The following KCNIP4 variants were observed in gnomAD, a reference collection of about 807,000 sequenced individuals.
KCNIP4 encodes the protein potassium voltage-gated channel interacting protein 4, also known as Kv channel-interacting protein 4.
A neutral mutation model predicts 34.0 loss-of-function variants in KCNIP4; 12 were observed. The observed-to-expected ratio is 0.35, with a 90% CI of 0.23 to 0.57. KCNIP4 has a LOEUF of 0.57. Among genes scored for constraint, KCNIP4 ranks in the 20% least tolerant of loss-of-function variants. KCNIP4 has a pLI of 0.83. For synonymous variants in KCNIP4, 124 were observed against 102.2 expected, an observed-to-expected ratio of 1.21 and a Z score of -1.29; for missense variants, 238 against 311.7, an observed-to-expected ratio of 0.76 and a Z score of 1.78.
chr4:20,985,613 A>C (rs967359844), intron 1 of KCNIP4, among the ~76,000 whole-genome samples: 3 of 152,206 alleles, frequency 2.0e-5, no homozygotes, highest in East Asian at 3.9e-4. Flanking sequence ...TAAATGGTAC[A>C]TGAATGATCA....
chr4:21,808,093 T>C (rs1262483299), intron 1 of KCNIP4, among the ~76,000 whole-genome samples: 3 of 152,344 alleles, frequency 2.0e-5, no homozygotes, highest in Admixed American at 1.3e-4. Flanking sequence ...TTTTGACATA[T>C]GTATATCATA....
chr4:20,989,985 CA>C (rs1354873495), intron 1 of KCNIP4, among the ~76,000 whole-genome samples: 9 of 152,084 alleles, frequency 5.9e-5, no homozygotes, highest in Non-Finnish European at 1.2e-4. Context: ...AAACAAAAGA[CA>C]GCATTCACGA....
At chr4:21,698,227 T>C (rs889536078) in intron 1 of KCNIP4, among the ~76,000 whole-genome samples, 8 of 152,170 alleles carry the variant, frequency 5.3e-5, no homozygotes, top group Admixed American at 5.2e-4. Context: ...CTGGCTACAT[T>C]TTCTGCACAG....
At chr4:20,846,900 A>C (rs987692917) in intron 3 of KCNIP4, among the ~76,000 whole-genome samples, 5 of 152,340 alleles carry the variant, frequency 3.3e-5, no homozygotes, top group African/African-American at 1.2e-4. Context: ...GAGCAATTAC[A>C]TCAGAATCAC....
intron 1 of KCNIP4, among the ~76,000 whole-genome samples, chr4:21,801,919 T>C (rs1251098927): frequency 6.6e-6 from 1 of 151,006 alleles, no homozygotes; most frequent in Non-Finnish European, 1.5e-5. Context: ...AAAAAAATAG[T>C]AGGAAAGGGA....
At chr4:21,123,371 G>A (rs954360601) in intron 1 of KCNIP4, among the ~76,000 whole-genome samples, 7 of 152,132 alleles carry the variant, frequency 4.6e-5, no homozygotes, top group African/African-American at 1.7e-4. Context: ...CACAGAGCTT[G>A]TGATTTCAAA....
At chr4:21,044,466 C>A (rs150353090) in intron 1 of KCNIP4, among the ~76,000 whole-genome samples, 55 of 152,242 alleles carry the variant, frequency 3.6e-4, no homozygotes, top group African/African-American at 1.3e-3. Flanking sequence ...CACCTGCCAC[C>A]ATGCCCGGCT....
intron 3 of KCNIP4, among the ~76,000 whole-genome samples, chr4:20,848,828 A>T (rs1305643457): frequency 6.6e-6 from 1 of 152,220 alleles, no homozygotes; most frequent in Non-Finnish European, 1.5e-5. Context: ...TCTGCTTATT[A>T]CTAGATCTCT....
At chr4:21,414,020 G>C (rs898334315) in intron 1 of KCNIP4, among the ~76,000 whole-genome samples, 3 of 152,090 alleles carry the variant, frequency 2.0e-5, no homozygotes, top group Non-Finnish European at 4.4e-5. Context: ...ACCTGTGTCA[G>C]TCAGTAGTGT....
At chr4:21,499,809 TCA>T (rs1733161871) in intron 1 of KCNIP4, among the ~76,000 whole-genome samples, 1 of 152,176 alleles carries the variant, frequency 6.6e-6, no homozygotes, top group Non-Finnish European at 1.5e-5. Flanking sequence ...CACTTTGATT[TCA>T]GAGTTAATAA....
Position 21,415,639 on chromosome 4 carries a change from T to C in KCNIP4, c.62-532930A>G, listed in dbSNP as rs138570871. Among the ~76,000 whole-genome samples, 5 of 151,536 alleles carry C rather than the reference T, an allele frequency of 3.3e-5. 1 individual carries two copies. The highest frequency in any genetic ancestry group is 1.3e-4 in the Admixed American group (2 of 15,224). ...ATCACTTGAATCCGGGAGACAGAGG[T>C]TGTAGTGAGCTGAGAGTGTGCCATT... On this transcript the variant is annotated intron_variant, in intron 1 of 8. Transcript: ENST00000382152.
chr4:20,867,870 G>T (rs1371481655), intron 2 of KCNIP4, among the ~76,000 whole-genome samples: 1 of 152,014 alleles, frequency 6.6e-6, no homozygotes, highest in Non-Finnish European at 1.5e-5. Flanking sequence ...TCACACACTG[G>T]GGCCTGTTGT....
intron 3 of KCNIP4, among the ~76,000 whole-genome samples, chr4:20,772,796 G>A (rs1024319148): frequency 3.3e-5 from 5 of 151,638 alleles, no homozygotes; most frequent in Admixed American, 6.6e-5. Flanking sequence ...CGCCCGCCAC[G>A]ACGCCCGGCT....
chr4:21,737,023 TA>T (rs1337789547), intron 1 of KCNIP4, among the ~76,000 whole-genome samples: 174 of 109,900 alleles, frequency 1.6e-3, no homozygotes, highest in Non-Finnish European at 2.5e-3. Context: ...ATAATAATAA[TA>T]AAAAAAAGAA....
intron 1 of KCNIP4, among the ~76,000 whole-genome samples, chr4:20,900,845 A>C (rs1727086498): frequency 6.6e-6 from 1 of 152,176 alleles, no homozygotes; most frequent in South Asian, 2.1e-4. Flanking sequence ...AATTGAGAAA[A>C]GATATCTGGA....
intron 1 of KCNIP4, among the ~76,000 whole-genome samples, chr4:21,147,236 T>C (rs868525058): frequency 6.6e-6 from 1 of 152,018 alleles, no homozygotes; most frequent in Non-Finnish European, 1.5e-5. Flanking sequence ...TGGACCTATC[T>C]ACCCGATGCC....
chr4:21,015,676 A>G (rs1739455574), intron 1 of KCNIP4, among the ~76,000 whole-genome samples: 2 of 83,014 alleles, frequency 2.4e-5, no homozygotes, highest in Non-Finnish European at 4.6e-5. Flanking sequence ...AATATAATAT[A>G]GTATATTGCA....
chr4:21,700,009 T>C (rs1478644196), intron 1 of KCNIP4, among the ~76,000 whole-genome samples: 2 of 152,124 alleles, frequency 1.3e-5, no homozygotes, highest in Non-Finnish European at 2.9e-5. Flanking sequence ...TTTGGTACAC[T>C]GAATAGGGAC....
At chr4:20,806,488 G>A (rs978806319) in intron 3 of KCNIP4, among the ~76,000 whole-genome samples, 1 of 151,290 alleles carries the variant, frequency 6.6e-6, no homozygotes, top group Non-Finnish European at 1.5e-5. Context: ...AGGATACTTT[G>A]CCATTTGACC....
Sources: allele counts gnomAD v4.1 joint callset (sites outside exome capture counted in the v4.1 genomes callset), GRCh38; gene constraint gnomAD v4.1.1; transcripts MANE v1.5; gene names NCBI Gene and HGNC (gene_info 2026-07-23, HGNC 2026-07-21).